The following TMEM132E variants were observed in gnomAD, a reference collection of about 807,000 sequenced individuals.
TMEM132E encodes the protein transmembrane protein 132E.
A neutral mutation model predicts 78.5 loss-of-function variants in TMEM132E; 49 were observed. That is an observed-to-expected ratio of 0.62 (90% CI 0.50 to 0.79). The LOEUF is 0.79. Ranked by LOEUF, TMEM132E falls within the 30% of genes least tolerant of loss-of-function variation. TMEM132E has a pLI of 0.00. For missense variants in TMEM132E, 1,403 were observed against 1,470.9 expected, an observed-to-expected ratio of 0.95 and a Z score of 0.75; for synonymous variants, 715 against 670.6, an observed-to-expected ratio of 1.07 and a Z score of -1.02.
Position 34,626,937 on chromosome 17 carries a change from A to G in TMEM132E, c.878A>G (p.Asn293Ser). ...CTGCAGGAGCACAGGCTGGACAGCA[A>G]CCTGATGATCCGCCTGCCAGACCGG... Reference protein sequence around the residue: ...RTLQEHRLDSNLMIRLPDRPL... With the variant: ...RTLQEHRLDSSLMIRLPDRPL... The change falls in exon 2 of 9, where the codon AAC becomes AGC. Residue 293 changes from asparagine to serine, a missense_variant. This residue lies in a region of TMEM132E where 511 missense variants were observed against 499.0 expected (regional missense o/e 1.02). Transcript: ENST00000631683. 1 of 1,613,720 alleles carries G rather than the reference A, an allele frequency of 6.2e-7. No homozygotes were observed. Among genetic ancestry groups the G allele is most frequent in the South Asian group, 1.1e-5 (1 of 91,080 alleles).
At chr17:34,627,141 G>A (rs1597690485) in intron 2 of TMEM132E, 84 bp downstream of exon 2, 2 of 1,379,078 alleles carry the variant, frequency 1.5e-6, no homozygotes, top group Non-Finnish European at 1.0e-6. Context: ...TTGGGGGGTG[G>A]GGGGACCTCC....
chr17:34,606,888 G>T (rs758408), intron 1 of TMEM132E, among the ~76,000 whole-genome samples: 1 of 151,986 alleles, frequency 6.6e-6, no homozygotes, highest in Non-Finnish European at 1.5e-5. Context: ...CTCTCTCTCT[G>T]CTCCTTTCCT....
At chr17:34,607,494 G>T (rs1906454028) in intron 1 of TMEM132E, among the ~76,000 whole-genome samples, 1 of 151,992 alleles carries the variant, frequency 6.6e-6, no homozygotes, top group Admixed American at 6.6e-5. Flanking sequence ...TCACACCAAG[G>T]CAACTCTCCA....
rs1269881302 is a variant in TMEM132E at position 34,632,854 on chromosome 17, G to A, written c.1633G>A (p.Asp545Asn). The A allele has an allele frequency of 6.2e-7, 1 of 1,614,084 alleles. No individual in the cohort carries two copies. The highest frequency in any genetic ancestry group is 8.5e-7 in the Non-Finnish European group (1 of 1,180,042). Residue 545 changes from aspartate to asparagine, a missense_variant, in exon 6 of 9, where the codon GAT becomes AAT. Asp to Asn is a conservative substitution (Grantham distance 23). Around this residue, in one of 3 missense-constraint regions of TMEM132E, gnomAD observed 888 missense variants for 952.8 expected, o/e 0.93. Coordinates refer to ENST00000631683, the MANE Select transcript of TMEM132E (RefSeq NM_001304438.2). ...PKLPLHIELS[D>N]ARLSQVKGWR... ...GCTGCCCTTGCACATTGAGCTCTCA[G>A]ATGCCCGCCTCAGCCAAGTGAAGGG... is the stretch of plus-strand genomic sequence containing the variant.
intron 1 of TMEM132E, among the ~76,000 whole-genome samples, chr17:34,594,768 T>C (rs887015733): frequency 1.9e-4 from 29 of 152,174 alleles, no homozygotes; most frequent in African/African-American, 6.5e-4. Context: ...AATTGGTTTC[T>C]TGAGGTTTTA....
Position 34,626,432 on chromosome 17 carries a change from A to G in TMEM132E, c.373A>G (p.Lys125Glu), listed in dbSNP as rs749482561. 5.0e-6 allele frequency: 8 copies of G among 1,613,336 alleles called. No homozygotes were observed. The highest frequency in any genetic ancestry group is 1.6e-4 in the Middle Eastern group (1 of 6,062). Residue 125 changes from lysine to glutamate, a missense_variant, in exon 2 of 9, where the codon AAG (lysine) becomes GAG (glutamate). By Grantham distance (56) the Lys-to-Glu change is moderately conservative. Around this residue, in one of 3 missense-constraint regions of TMEM132E, gnomAD observed 511 missense variants for 499.0 expected, o/e 1.02. Transcript: ENST00000631683. ...CCCCGAGCGCCTGACGGTGAACTGG[A>G]AGGTGCGGGCCTTCATCGTCCGCTC... ...DIPERLTVNWKVRAFIVRSHV... is the reference protein window; with the variant it reads ...DIPERLTVNWEVRAFIVRSHV...
intron 1 of TMEM132E, among the ~76,000 whole-genome samples, chr17:34,594,029 G>T (rs1371102288): frequency 6.6e-6 from 1 of 151,998 alleles, no homozygotes; most frequent in Non-Finnish European, 1.5e-5. Context: ...CCTCTTTCAG[G>T]TCCCTCCCTG....
In TMEM132E at chr17:34,632,830, C is replaced by T; in HGVS notation, c.1609C>T (p.Leu537=). The stretch of plus-strand genomic sequence containing the variant: ...GGAAATGACAGTCTGGGTCCCCAAG[C>T]TGCCCTTGCACATTGAGCTCTCAGA... The part of the protein sequence containing the change: ...PLEMTVWVPK[L]PLHIELSDAR... Residue 537 remains leucine (L), a synonymous_variant, in exon 6 of 9, where the codon CTG becomes TTG. Coordinates refer to ENST00000631683, the MANE Select transcript of TMEM132E (RefSeq NM_001304438.2). 6.2e-7 allele frequency: 1 copy of T among 1,614,208 alleles called. No individual in the cohort carries two copies. The highest frequency in any genetic ancestry group is 1.1e-5 in the South Asian group (1 of 91,086).
intron 1 of TMEM132E, among the ~76,000 whole-genome samples, chr17:34,589,533 C>T (rs909416545): frequency 2.6e-5 from 4 of 152,206 alleles, no homozygotes; most frequent in East Asian, 1.9e-4. Context: ...ATTACATGCA[C>T]TTGTTTGGCC....
chr17:34,611,809 G>A (rs1315987655), intron 1 of TMEM132E, among the ~76,000 whole-genome samples: 1 of 152,092 alleles, frequency 6.6e-6, no homozygotes, highest in Non-Finnish European at 1.5e-5. Flanking sequence ...TGATTCCAGG[G>A]GCTTCCATCC....
chr17:34,581,921 T>TG (rs1327673125), intron 1 of TMEM132E, among the ~76,000 whole-genome samples: 4 of 151,062 alleles, frequency 2.6e-5, no homozygotes, highest in South Asian at 2.1e-4. Context: ...GGCATACGGG[T>TG]GGGGGGCAGC....
At chr17:34,600,841 G>A (rs998976179) in intron 1 of TMEM132E, among the ~76,000 whole-genome samples, 2 of 152,194 alleles carry the variant, frequency 1.3e-5, no homozygotes, top group Non-Finnish European at 2.9e-5. Flanking sequence ...AGTGATGGAT[G>A]CACCTGCAGA....
intron 1 of TMEM132E, among the ~76,000 whole-genome samples, chr17:34,582,945 C>A (rs1268282684): frequency 6.6e-6 from 1 of 152,240 alleles, no homozygotes; most frequent in Non-Finnish European, 1.5e-5. Context: ...GCCCACCTTC[C>A]CGATCCCTGA....
rs1466452414 is a variant in TMEM132E, at chr17:34,590,648, G to A, written c.67+9505G>A. On this transcript the variant is annotated intron_variant, in intron 1 of 8. Coordinates refer to ENST00000631683, the MANE Select transcript of TMEM132E (RefSeq NM_001304438.2). ...GGTCACTGGCCAGCGAACTCTCAGA[G>A]TCTTGGTGGGAGAGAGCCAAAATGC... is the stretch of plus-strand genomic sequence containing the variant. 3.3e-5 allele frequency among the ~76,000 whole-genome samples: 5 copies of A among 152,182 alleles called. No individual in the cohort carries two copies. The South Asian group carries it at 1.0e-3, about 32-fold the overall frequency.
At chr17:34,632,370 G>A (rs999305021) in intron 5 of TMEM132E, among the ~76,000 whole-genome samples, 1 of 152,220 alleles carries the variant, frequency 6.6e-6, no homozygotes, top group South Asian at 2.1e-4. Context: ...TGGGGGAGGG[G>A]AGCCAGCCCT....
At chr17:34,617,637 A>G (rs1223429708) in intron 1 of TMEM132E, among the ~76,000 whole-genome samples, 1 of 152,234 alleles carries the variant, frequency 6.6e-6, no homozygotes, top group Non-Finnish European at 1.5e-5. Flanking sequence ...TTTCACAGGT[A>G]TGGAAATTGA....
At chr17:34,619,252 C>A (rs1345993869) in intron 1 of TMEM132E, among the ~76,000 whole-genome samples, 1 of 151,528 alleles carries the variant, frequency 6.6e-6, no homozygotes, top group East Asian at 1.9e-4. Context: ...GGGCCAGGCA[C>A]TGTTCTAGGC....
intron 1 of TMEM132E, among the ~76,000 whole-genome samples, chr17:34,581,592 C>G (rs1451526706): frequency 2.0e-5 from 3 of 150,836 alleles, no homozygotes; most frequent in Non-Finnish European, 1.5e-5. Flanking sequence ...GGCCGCGCCG[C>G]CCGTCGCCTC....
intron 3 of TMEM132E, 87 bp downstream of exon 3, chr17:34,628,796 T>C: frequency 6.9e-7 from 1 of 1,457,940 alleles, no homozygotes; most frequent in South Asian, 1.4e-5. Flanking sequence ...GAGGCTAGGC[T>C]TGGGGAGGGC....
Sources: allele counts gnomAD v4.1 joint callset (sites outside exome capture counted in the v4.1 genomes callset), GRCh38; gene constraint gnomAD v4.1.1; regional missense constraint gnomAD v4.1.1; transcripts MANE v1.5; gene names NCBI Gene and HGNC (gene_info 2026-07-23, HGNC 2026-07-21).